The following CECR2 variants were observed in gnomAD, a reference collection of about 807,000 sequenced individuals.
CECR2 encodes CECR2 histone acetyl-lysine reader, also known as chromatin remodeling regulator CECR2.
CECR2 carries 30 observed loss-of-function variants against 154.5 expected under a neutral mutation model. The observed-to-expected ratio is 0.19, with a 90% CI of 0.15 to 0.26. The LOEUF (loss-of-function observed/expected upper bound fraction) is 0.26. Ranked by LOEUF, CECR2 falls within the 10% of genes least tolerant of loss-of-function variation. The probability of loss-of-function intolerance (pLI) is 1.00; values close to 1 mark genes in which losing one functional copy is unlikely to be tolerated. For missense variants in CECR2, 1,743 were observed against 1,829.3 expected (o/e 0.95, Z 0.86); for synonymous variants, 725 against 683.7 (o/e 1.06, Z -0.94).
At chr22:17,541,709 C>T in intron 14 of CECR2, 130 bp from the exon 15 acceptor site, 2 of 1,143,732 alleles carry the variant, frequency 1.7e-6, no homozygotes, top group Non-Finnish European at 2.4e-6. Context: ...CACAGTCTCC[C>T]TGTCTCCAGC....
intron 1 of CECR2, among the ~76,000 whole-genome samples, chr22:17,422,792 C>CAT (rs2054276459): frequency 6.6e-6 from 1 of 151,708 alleles, no homozygotes; most frequent in South Asian, 2.1e-4. Flanking sequence ...TGTCCACTCT[C>CAT]CTAATGAGCC....
chr22:17,385,141 TC>T (rs2063243852), intron 1 of CECR2, among the ~76,000 whole-genome samples: 1 of 152,232 alleles, frequency 6.6e-6, no homozygotes, highest in African/African-American at 2.4e-5. Flanking sequence ...TGATCTGTTC[TC>T]CAGGCCACTC....
At chr22:17,413,555 CT>C (rs763052071) in intron 1 of CECR2, among the ~76,000 whole-genome samples, 2 of 152,050 alleles carry the variant, frequency 1.3e-5, no homozygotes, top group Non-Finnish European at 2.9e-5. Context: ...TACCTGTAGT[CT>C]TTCATTTAGT....
chr22:17,460,981 A>G (rs1409754290), intron 1 of CECR2, among the ~76,000 whole-genome samples: 1 of 152,206 alleles, frequency 6.6e-6, no homozygotes, highest in Non-Finnish European at 1.5e-5. Flanking sequence ...CTTTAGTTCC[A>G]TCCTGGAGAC....
intron 1 of CECR2, among the ~76,000 whole-genome samples, chr22:17,448,254 T>C (rs375686693): frequency 6.6e-6 from 1 of 152,228 alleles, no homozygotes; most frequent in Admixed American, 6.5e-5. Flanking sequence ...TGGATATGAC[T>C]ACTTTCAGCA....
chr22:17,482,042 G>A (rs1318215446), intron 2 of CECR2, among the ~76,000 whole-genome samples: 2 of 146,086 alleles, frequency 1.4e-5, no homozygotes, highest in South Asian at 2.2e-4. Flanking sequence ...ATGAACCTGG[G>A]AGGCGGAGCT....
At chr22:17,494,654 A>G (rs1382962784) in intron 2 of CECR2, among the ~76,000 whole-genome samples, 1 of 152,166 alleles carries the variant, frequency 6.6e-6, no homozygotes, top group African/African-American at 2.4e-5. Flanking sequence ...AGAGTAGGGG[A>G]AAGATGTTTC....
intron 1 of CECR2, among the ~76,000 whole-genome samples, chr22:17,360,347 G>C (rs1281355450): frequency 6.6e-6 from 1 of 152,190 alleles, no homozygotes; most frequent in South Asian, 2.1e-4. Flanking sequence ...CTGTACTCCA[G>C]CTTGTACAAC....
intron 8 of CECR2, among the ~76,000 whole-genome samples, chr22:17,512,820 A>G (rs928071410): frequency 1.3e-5 from 2 of 152,070 alleles, no homozygotes; most frequent in African/African-American, 4.8e-5. Flanking sequence ...TCCAGGAATG[A>G]GAGAGCGTGG....
At chr22:17,500,330 C>T (rs2055714040) in intron 4 of CECR2, among the ~76,000 whole-genome samples, 1 of 152,116 alleles carries the variant, frequency 6.6e-6, no homozygotes, top group Admixed American at 6.6e-5. Flanking sequence ...AAGGAAGAGG[C>T]CGCATTTCCA....
In CECR2 at chr22:17,542,222, C is replaced by T. The variant is rs767919607; in HGVS notation, c.2079C>T (p.Cys693=). ...GCACACCAGAGGAGAAGCAAATGTG[C>T]GGGGGGCTGACACACCTTTCTAACA... is the stretch of plus-strand genomic sequence containing the variant. ...RLGTPEEKQM[C]GGLTHLSNMG... is the part of the protein sequence containing the mutation. The change falls in exon 16 of 19, where the codon TGC becomes TGT. Residue 693 remains cysteine, a synonymous_variant. Transcript: ENST00000262608. 157 of 1,611,616 alleles carry T rather than the reference C, an allele frequency of 9.7e-5. 1 individual carries two copies. In the South Asian group the frequency reaches 1.5e-3, roughly 15 times the overall value.
intron 7 of CECR2, among the ~76,000 whole-genome samples, chr22:17,509,803 A>G (rs1358196197): frequency 1.3e-5 from 2 of 152,184 alleles, no homozygotes; most frequent in Non-Finnish European, 2.9e-5. Context: ...TAGAAAACTA[A>G]ACCCACATTT....
chr22:17,378,515 C>G (rs181094738), intron 1 of CECR2, among the ~76,000 whole-genome samples: 1 of 152,052 alleles, frequency 6.6e-6, no homozygotes, highest in African/African-American at 2.4e-5. Context: ...CCAGGATGGT[C>G]GCAATCTCCT....
intron 2 of CECR2, among the ~76,000 whole-genome samples, chr22:17,484,934 G>C (rs542793494): frequency 7.2e-4 from 109 of 152,296 alleles, no homozygotes; most frequent in African/African-American, 2.5e-3. Context: ...TCCGACTCCT[G>C]TATTTAGGAA....
At chr22:17,502,027 T>G (rs925398711) in intron 5 of CECR2, among the ~76,000 whole-genome samples, 13 of 152,318 alleles carry the variant, frequency 8.5e-5, no homozygotes, top group African/African-American at 2.9e-4. Context: ...ATATAGAACA[T>G]TTTCATTCTC....
At chr22:17,501,644 G>A (rs926394033) in intron 5 of CECR2, among the ~76,000 whole-genome samples, 2 of 151,824 alleles carry the variant, frequency 1.3e-5, no homozygotes, top group African/African-American at 4.8e-5. Flanking sequence ...GCTTCAGATT[G>A]CAGCTGCCTA....
chr22:17,409,243 G>C (rs1187916472), intron 1 of CECR2, among the ~76,000 whole-genome samples: 13,619 of 74,336 alleles, frequency 0.18, 2,681 homozygotes, highest in Non-Finnish European at 0.26. Flanking sequence ...AGCGATTCGC[G>C]TGCCTCAGCC....
chr22:17,381,761 A>G (rs2063192953), intron 1 of CECR2, among the ~76,000 whole-genome samples: 1 of 152,100 alleles, frequency 6.6e-6, no homozygotes. Flanking sequence ...AGGGAATATA[A>G]TTGCTGTAAG....
chr22:17,507,779 T>C (rs4819594), intron 7 of CECR2, among the ~76,000 whole-genome samples: 28,427 of 152,140 alleles, frequency 0.19, 2,890 homozygotes, highest in East Asian at 0.28. Flanking sequence ...TTTGATATTT[T>C]CAAAGAAATA....
Sources: allele counts gnomAD v4.1 joint callset (sites outside exome capture counted in the v4.1 genomes callset), GRCh38; gene constraint gnomAD v4.1.1; transcripts MANE v1.5; gene names NCBI Gene and HGNC (gene_info 2026-07-23, HGNC 2026-07-21).